CNOT11: variants seen among roughly 807,000 people sequenced by gnomAD.
CNOT11 encodes UPF0760 protein C2orf29.
CNOT11 carries 18 observed loss-of-function variants against 44.6 expected under a neutral mutation model. The ratio of observed to expected loss-of-function variants is 0.40; its 90% CI spans 0.28 to 0.60. CNOT11 has a LOEUF of 0.60. Ranked by LOEUF, CNOT11 falls within the 20% of genes least tolerant of loss-of-function variation. CNOT11 has a pLI of 0.38. For missense variants in CNOT11, 513 were observed against 677.0 expected (o/e 0.76, Z 2.69); for synonymous variants, 291 against 270.9 (o/e 1.07, Z -0.73).
intron 2 of CNOT11, among the ~76,000 whole-genome samples, chr2:101,260,163 G>C (rs1163948701): frequency 1.3e-5 from 2 of 152,120 alleles, no homozygotes; most frequent in African/African-American, 4.8e-5. Context: ...ACTAGTGCCA[G>C]ATATAATTTA....
chr2:101,268,709 C>T (rs755235085), intron 5 of CNOT11, among the ~76,000 whole-genome samples: 2 of 152,180 alleles, frequency 1.3e-5, no homozygotes, highest in Admixed American at 1.3e-4. Context: ...TCCATGTAAT[C>T]CTTTGGAAAA....
chr2:101,255,419 T>C (rs1035111164), intron 1 of CNOT11, among the ~76,000 whole-genome samples: 2 of 151,594 alleles, frequency 1.3e-5, no homozygotes, highest in Non-Finnish European at 1.5e-5. Flanking sequence ...GGCGTGAACC[T>C]GGGAGGCGGA....
At chr2:101,268,813 AT>A (rs964757668) in intron 5 of CNOT11, among the ~76,000 whole-genome samples, 5 of 152,230 alleles carry the variant, frequency 3.3e-5, no homozygotes, top group Non-Finnish European at 5.9e-5. Context: ...GCTCAAAAAA[AT>A]AATTGCGATA....
Position 101,262,642 on chromosome 2 carries a change from C to T in CNOT11, c.783C>T (p.Ala261=), listed in dbSNP as rs1681892811. The T allele has an allele frequency of 1.2e-6, 2 of 1,614,142 alleles. No individual in the cohort carries two copies. The part of the protein sequence containing the change: ...SSNSGFDSSV[A]SQITEALVSG... Reference sequence around the variant, plus strand: ...ATTCTGGATTTGACAGCTCAGTTGCCTCTCAGATCACAGAAGCTTTAGTCA... The same window carrying T: ...ATTCTGGATTTGACAGCTCAGTTGCTTCTCAGATCACAGAAGCTTTAGTCA... Residue 261 remains alanine (A), a synonymous_variant, in exon 3 of 7, where the codon GCC becomes GCT. Coordinates refer to ENST00000289382, the MANE Select transcript of CNOT11 (RefSeq NM_017546.5).
At chr2:101,265,729 G>A (rs1681967211) in intron 4 of CNOT11, among the ~76,000 whole-genome samples, 2 of 152,128 alleles carry the variant, frequency 1.3e-5, no homozygotes, top group Admixed American at 1.3e-4. Context: ...ACAGGCTGTA[G>A]GGAGGAAAAC....
At chr2:101,268,037 G>A (rs910588954) in intron 5 of CNOT11, among the ~76,000 whole-genome samples, 1 of 152,234 alleles carries the variant, frequency 6.6e-6, no homozygotes, top group African/African-American at 2.4e-5. Flanking sequence ...AAAAAGCCCA[G>A]CTGGAAGCTG....
At chr2:101,262,749 A>G (rs1212570140) in intron 3 of CNOT11, 58 bp downstream of exon 3, 1 of 1,411,958 alleles carries the variant, frequency 7.1e-7, no homozygotes, top group Non-Finnish European at 9.8e-7. Flanking sequence ...AGGATCCTCT[A>G]GGACTTTTCA....
Position 101,253,289 on chromosome 2 carries a change from G to A in CNOT11, c.325G>A (p.Val109Ile). The A allele has an allele frequency of 6.2e-7, 1 of 1,611,282 alleles. No homozygotes were observed. The highest frequency in any genetic ancestry group is 8.5e-7 in the Non-Finnish European group (1 of 1,179,538). The change falls in exon 1 of 7, where the codon GTC becomes ATC. Residue 109 changes from valine to isoleucine, a missense_variant. This residue lies in a region of CNOT11 where 259 missense variants were observed against 265.7 expected (regional missense o/e 0.97). Coordinates refer to ENST00000289382, the MANE Select transcript of CNOT11 (RefSeq NM_017546.5). The surrounding 1 kb of genome is among the most constrained non-coding windows in gnomAD (Gnocchi z 4.3). Reference protein sequence around the residue: ...ADHFRLGSVLVMLLQQPDLLP... With the variant: ...ADHFRLGSVLIMLLQQPDLLP... ...CCACTTCCGCCTGGGCTCGGTGCTC[G>A]TCATGCTGCTCCAGCAGCCCGACCT...
At position 101,253,751 on chromosome 2, in the gene CNOT11, A is replaced by G. The variant is rs996817507; in HGVS notation, c.514+273A>G. ...CATACAGCTCAGTGTAGGTCTTGAC[A>G]TGTTTAGTGTCTCAAATACGGTTCG... On this transcript the variant is annotated intron_variant, in intron 1 of 6. Coordinates refer to ENST00000289382, the MANE Select transcript of CNOT11 (RefSeq NM_017546.5). The surrounding 1 kb of genome is among the most constrained non-coding windows in gnomAD (Gnocchi z 4.3). 3.6e-4 allele frequency among the ~76,000 whole-genome samples: 55 copies of G among 151,576 alleles called. No homozygotes were observed. Among genetic ancestry groups the G allele is most frequent in the African/African-American group, 1.1e-3 (46 of 41,184 alleles).
chr2:101,259,998 A>G (rs1267796682), intron 2 of CNOT11, among the ~76,000 whole-genome samples: 1 of 152,064 alleles, frequency 6.6e-6, no homozygotes, highest in Non-Finnish European at 1.5e-5. Flanking sequence ...ACAATAAGCC[A>G]TGATTGTACT....
At chr2:101,262,492 C>T (rs1468484639) in intron 2 of CNOT11, 47 bp from the exon 3 acceptor site, 12 of 1,337,684 alleles carry the variant, frequency 9.0e-6, no homozygotes, top group Admixed American at 1.8e-5. Context: ...CTTGTCTTTT[C>T]TCTCTCCTCA....
chr2:101,252,892 T>C lies in CNOT11; in HGVS notation c.-73T>C. 1 of 1,344,822 alleles carries C rather than the reference T, an allele frequency of 7.4e-7. No individual in the cohort carries two copies. The highest frequency in any genetic ancestry group is 9.5e-7 in the Non-Finnish European group (1 of 1,047,756). The allele number at this position is 1,344,822 out of a possible 1,614,324, so 83.3% of individuals were successfully genotyped here. A position where few individuals can be genotyped will look rare whatever the true frequency, so the allele number is the denominator to read the frequency against. On this transcript the variant is annotated 5_prime_UTR_variant, in exon 1 of 7. Coordinates refer to ENST00000289382, the MANE Select transcript of CNOT11 (RefSeq NM_017546.5). ...GACGCTGTCGTGTAACAGCGCGCTT[T>C]ACGGCCGCGGGGACGGAGCGAGCCG...
At chr2:101,257,651 G>A in intron 1 of CNOT11, 140 bp from the exon 2 acceptor site, 1 of 618,782 alleles carries the variant, frequency 1.6e-6, no homozygotes, top group Admixed American at 3.0e-5. Flanking sequence ...GTATATATTT[G>A]GTTGACTGAA....
In CNOT11 at chr2:101,265,048, G is replaced by C; in HGVS notation, c.1035+1G>C. 1 of 1,574,448 alleles carries C rather than the reference G, an allele frequency of 6.4e-7. No homozygotes were observed. Among genetic ancestry groups the C allele is most frequent in the Non-Finnish European group, 8.6e-7 (1 of 1,157,594 alleles). ...CTTATCCTCTCCCCAACAAACACAG[G>C]TGTGTATTGATTGTAAGCATTTTCT... On this transcript the variant is annotated splice_donor_variant, in intron 4 of 6. Transcript: ENST00000289382. LOFTEE classifies it high-confidence loss of function.
In CNOT11 at chr2:101,253,448, G is replaced by T; in HGVS notation, c.484G>T (p.Gly162Cys). ...LLNPAPPARG[G>C]QEPDRPPLSG... The stretch of plus-strand genomic sequence containing the variant: ...CAACCCCGCGCCGCCCGCCCGCGGC[G>T]GCCAGGAACCCGACCGCCCTCCGCT... The change falls in exon 1 of 7, where the codon GGC becomes TGC. Residue 162 changes from glycine (G) to cysteine (C), a missense_variant. By Grantham distance (159) the Gly-to-Cys change is radical. Coordinates refer to ENST00000289382, the MANE Select transcript of CNOT11 (RefSeq NM_017546.5). This position sits in a 1 kb window ranked among gnomAD's most constrained non-coding sequence, Gnocchi z 4.3. 2.6e-6 allele frequency: 4 copies of T among 1,517,928 alleles called. No homozygotes were observed. The highest frequency in any genetic ancestry group is 4.9e-5 in the East Asian group (2 of 41,112). The allele number at this position is 1,517,928 out of a possible 1,614,324, so 94.0% of individuals were successfully genotyped here.
rs1049097091 is a variant in CNOT11 at position 101,261,440 on chromosome 2, A to G, written c.680-1099A>G. ...CTGTGGTACCTTCACACTGTGGAGT[A>G]CCAAGTTCTGTGTCCATTCTGTTGT... On this transcript the variant is annotated intron_variant, in intron 2 of 6. Coordinates refer to ENST00000289382, the MANE Select transcript of CNOT11 (RefSeq NM_017546.5). Among the ~76,000 whole-genome samples the G allele has an allele frequency of 2.6e-5, 4 of 152,210 alleles. No individual in the cohort carries two copies. In the East Asian group the frequency reaches 5.8e-4, roughly 22 times the overall value.
intron 4 of CNOT11, among the ~76,000 whole-genome samples, chr2:101,265,290 G>A (rs1176959396): frequency 6.6e-6 from 1 of 151,968 alleles, no homozygotes; most frequent in Non-Finnish European, 1.5e-5. Flanking sequence ...TATGAGATGG[G>A]GTTTTGCCAT....
intron 5 of CNOT11, among the ~76,000 whole-genome samples, chr2:101,267,511 G>C (rs761040026): frequency 1.3e-5 from 2 of 152,120 alleles, no homozygotes; most frequent in Non-Finnish European, 2.9e-5. Context: ...ACTAACAGCT[G>C]TAAGTGTGGA....
In CNOT11 at chr2:101,269,364, A is replaced by G. The variant is rs1385087658; in HGVS notation, c.1484A>G (p.Lys495Arg). Reference protein sequence around the residue: ...REAAGLFRLLKTLDTGETPSE... With the variant: ...REAAGLFRLLRTLDTGETPSE... The stretch of plus-strand genomic sequence containing the variant: ...GCTGCTGGTCTTTTCCGGTTGTTGA[A>G]GACATTGGATACTGGGGAAACACCT... The change falls in exon 7 of 7, where the codon AAG becomes AGG. Residue 495 changes from lysine to arginine, a missense_variant. Lys to Arg is a conservative substitution (Grantham distance 26). This residue lies in a region of CNOT11 where 87 missense variants were observed against 185.4 expected (regional missense o/e 0.47). Transcript: ENST00000289382. This position sits in a 1 kb window ranked among gnomAD's most constrained non-coding sequence, Gnocchi z 4.8. 1 of 1,614,128 alleles carries G rather than the reference A, an allele frequency of 6.2e-7. No individual in the cohort carries two copies. The highest frequency in any genetic ancestry group is 1.7e-5 in the Admixed American group (1 of 60,006).
Sources: allele counts gnomAD v4.1 joint callset (sites outside exome capture counted in the v4.1 genomes callset), GRCh38; gene constraint gnomAD v4.1.1; regional missense constraint gnomAD v4.1.1; non-coding constraint Gnocchi (gnomAD v3.1); transcripts MANE v1.5; gene names NCBI Gene and HGNC (gene_info 2026-07-23, HGNC 2026-07-21).